Variants in DCLK1 observed in about 807,000 individuals in gnomAD.
The protein encoded by DCLK1 is doublecortin like kinase 1.
Under a neutral mutation model 86.2 loss-of-function variants are expected in DCLK1, and 16 were observed. The ratio of observed to expected loss-of-function variants is 0.19; its 90% confidence interval spans 0.13 to 0.28. The LOEUF (loss-of-function observed/expected upper bound fraction) is 0.28. DCLK1 is among the 10% of genes least tolerant of loss of function. The pLI is 1.00. For synonymous variants in DCLK1, 369 were observed against 370.5 expected, an observed-to-expected ratio of 1.00 and a Z score of 0.05; for missense variants, 590 against 940.2, an observed-to-expected ratio of 0.63 and a Z score of 4.87.
intron 6 of DCLK1, chr13:35,848,522 T>C: frequency 1.0e-6 from 1 of 985,324 alleles, no homozygotes; most frequent in Non-Finnish European, 1.2e-6. Flanking sequence ...TTGGAACTGC[T>C]TGAATGGAAA....
In DCLK1 at chr13:35,887,709, C is replaced by T. The variant is rs532931382; in HGVS notation, c.824-16369G>A. Among the ~76,000 whole-genome samples, 81 of 151,848 alleles carry T rather than the reference C, an allele frequency of 5.3e-4. 1 individual carries two copies. Among genetic ancestry groups the T allele is most frequent in the Non-Finnish European group, 1.1e-3 (72 of 67,948 alleles). ...GTGAGCATAATTTAATCACCTATGT[C>T]ATGTAGCTAGATTGTTTTCTTAAGG... On this transcript the variant is annotated intron_variant, in intron 4 of 16. Coordinates refer to ENST00000360631, the MANE Select transcript of DCLK1 (RefSeq NM_001330071.2).
intron 3 of DCLK1, among the ~76,000 whole-genome samples, chr13:36,045,334 A>G (rs9670633): frequency 0.051 from 1,483 of 29,056 alleles, 9 homozygotes; most frequent in African/African-American, 0.18. Context: ...GTGTGTGTGT[A>G]TATATATATA....
chr13:35,896,199 T>A (rs9531159), intron 4 of DCLK1, among the ~76,000 whole-genome samples: 114,837 of 152,068 alleles, frequency 0.76, 47,892 homozygotes, highest in Non-Finnish European at 0.92. Context: ...TTGCTTAGAC[T>A]GTATATAGAA....
At chr13:35,821,547 CT>C (rs2087393248) in intron 11 of DCLK1, among the ~76,000 whole-genome samples, 1 of 152,014 alleles carries the variant, frequency 6.6e-6, no homozygotes, top group African/African-American at 2.4e-5. Context: ...AGAGAATCCT[CT>C]TTTCCCAGAT....
intron 3 of DCLK1, among the ~76,000 whole-genome samples, chr13:36,045,807 AG>A (rs1370444456): frequency 6.6e-6 from 1 of 151,868 alleles, no homozygotes; most frequent in Non-Finnish European, 1.5e-5. Flanking sequence ...GAGCTGAGAT[AG>A]CGCCACTGTA....
intron 4 of DCLK1, among the ~76,000 whole-genome samples, chr13:35,896,025 A>G (rs572884983): frequency 1.3e-5 from 2 of 152,274 alleles, no homozygotes; most frequent in South Asian, 2.1e-4. Context: ...GAATAATACA[A>G]GTAAGGCGCT....
intron 3 of DCLK1, among the ~76,000 whole-genome samples, chr13:36,109,284 G>A (rs1353576120): frequency 6.6e-6 from 1 of 152,028 alleles, no homozygotes; most frequent in Non-Finnish European, 1.5e-5. Context: ...TGACTGCAGG[G>A]AAAAAAAGGA....
In DCLK1 at chr13:35,971,682, G is replaced by A. The variant is rs556917293; in HGVS notation, c.724-24225C>T. 7.3e-5 allele frequency among the ~76,000 whole-genome samples: 11 copies of A among 151,692 alleles called. No homozygotes were observed. The East Asian group carries it at 2.2e-3, about 30-fold the overall frequency. Reference sequence around the variant, plus strand: ...GGAGACTGAAGCAGAAGAATCTCTTGAACCTGGGAGGCAGATGTTGCAGTG... The same window carrying A: ...GGAGACTGAAGCAGAAGAATCTCTTAAACCTGGGAGGCAGATGTTGCAGTG... On this transcript the variant is annotated intron_variant, in intron 3 of 16. Transcript: ENST00000360631.
intron 3 of DCLK1, among the ~76,000 whole-genome samples, chr13:36,054,799 C>G (rs776218318): frequency 2.6e-5 from 4 of 152,158 alleles, no homozygotes; most frequent in Admixed American, 6.5e-5. Flanking sequence ...CTTGTCCACA[C>G]TAACGAGTTG....
intron 11 of DCLK1, among the ~76,000 whole-genome samples, chr13:35,821,084 G>A (rs1020312142): frequency 6.6e-6 from 1 of 152,198 alleles, no homozygotes; most frequent in Admixed American, 6.5e-5. Flanking sequence ...CTGGAAGTCA[G>A]AATTAGGTTG....
At chr13:36,088,746 G>C (rs1884708076) in intron 3 of DCLK1, among the ~76,000 whole-genome samples, 1 of 152,172 alleles carries the variant, frequency 6.6e-6, no homozygotes, top group Non-Finnish European at 1.5e-5. Flanking sequence ...GGTAGAAAAA[G>C]ATCTATCTCT....
At chr13:35,887,960 T>C (rs1873394507) in intron 4 of DCLK1, among the ~76,000 whole-genome samples, 1 of 147,148 alleles carries the variant, frequency 6.8e-6, no homozygotes, top group African/African-American at 2.5e-5. Context: ...AATGAAAATT[T>C]ACGAATGAAA....
At chr13:35,935,633 TGG>T (rs1876712412) in intron 4 of DCLK1, among the ~76,000 whole-genome samples, 1 of 152,124 alleles carries the variant, frequency 6.6e-6, no homozygotes, top group Non-Finnish European at 1.5e-5. Flanking sequence ...CAGGTGGCTG[TGG>T]AATAGTCATA....
chr13:36,023,032 T>C (rs1881850788), intron 3 of DCLK1, among the ~76,000 whole-genome samples: 1 of 152,044 alleles, frequency 6.6e-6, no homozygotes, highest in African/African-American at 2.4e-5. Context: ...GAGCAGCATA[T>C]AAAAAGGAGT....
intron 5 of DCLK1, among the ~76,000 whole-genome samples, chr13:35,856,070 GAC>G (rs1303981546): frequency 6.6e-6 from 1 of 152,108 alleles, no homozygotes; most frequent in Non-Finnish European, 1.5e-5. Context: ...CTCCTCCAAA[GAC>G]CTTAAAAAAT....
At position 35,771,031 on chromosome 13, in the gene DCLK1, A is replaced by C. The variant is rs1435184127; in HGVS notation, c.*3504T>G. ...CTAAGAGCAACACAGTAATATTAAGAAAGCTCTCCCTCAGCACGATTGAGC... is the reference window on the plus strand; with the variant it reads ...CTAAGAGCAACACAGTAATATTAAGCAAGCTCTCCCTCAGCACGATTGAGC... On this transcript the variant is annotated 3_prime_UTR_variant, in exon 17 of 17. Coordinates refer to ENST00000360631, the MANE Select transcript of DCLK1 (RefSeq NM_001330071.2). The C allele has an allele frequency of 6.6e-6, 1 of 152,202 alleles. No homozygotes were observed. Among genetic ancestry groups the C allele is most frequent in the Non-Finnish European group, 1.5e-5 (1 of 68,040 alleles). 9.4% of individuals were successfully genotyped at this position (152,202 alleles called of 1,614,324 possible). A position where few individuals can be genotyped will look rare whatever the true frequency, so the allele number is the denominator to read the frequency against.
intron 1 of DCLK1, among the ~76,000 whole-genome samples, chr13:36,128,246 A>G (rs537040523): frequency 2.6e-5 from 4 of 152,308 alleles, no homozygotes; most frequent in Non-Finnish European, 5.9e-5. Context: ...CAGTTGTATA[A>G]TATGCTAAAA....
At chr13:35,829,106 T>C (rs1868740895) in intron 8 of DCLK1, among the ~76,000 whole-genome samples, 2 of 152,192 alleles carry the variant, frequency 1.3e-5, no homozygotes, top group African/African-American at 4.8e-5. Context: ...CAAAGCCACA[T>C]GGCAGCTTTA....
intron 4 of DCLK1, among the ~76,000 whole-genome samples, chr13:35,895,940 T>A (rs1314912709): frequency 7.3e-6 from 1 of 137,838 alleles, no homozygotes; most frequent in African/African-American, 3.4e-5. Flanking sequence ...TTTTATGATT[T>A]TTTTTTTTGT....
Sources: allele counts gnomAD v4.1 joint callset (sites outside exome capture counted in the v4.1 genomes callset), GRCh38; gene constraint gnomAD v4.1.1; transcripts MANE v1.5; gene names NCBI Gene and HGNC (gene_info 2026-07-23, HGNC 2026-07-21).